Variants in DNMT3A observed in about 807,000 individuals in gnomAD.
The protein encoded by DNMT3A is DNA methyltransferase 3 alpha.
A neutral mutation model predicts 117.6 loss-of-function variants in DNMT3A; 267 were observed. That is an observed-to-expected ratio of 2.27 (90% confidence interval 2.05 to 2.51). DNMT3A has a LOEUF of 2.51. Ranked by LOEUF, DNMT3A falls within the 30% of genes most tolerant of loss-of-function variation. The pLI is 0.00. For missense variants in DNMT3A, 1,029 were observed against 1,260.2 expected (o/e 0.82, Z 2.78); for synonymous variants, 432 against 474.8 (o/e 0.91, Z 1.17).
intron 3 of DNMT3A, among the ~76,000 whole-genome samples, chr2:25,295,367 G>C (rs902971443): frequency 2.6e-5 from 4 of 152,212 alleles, no homozygotes; most frequent in African/African-American, 9.6e-5. Flanking sequence ...GTTTCCTGTT[G>C]CCGGCTCTGA....
chr2:25,317,799 G>C (rs903649950), intron 1 of DNMT3A, among the ~76,000 whole-genome samples: 1 of 152,210 alleles, frequency 6.6e-6, no homozygotes, highest in South Asian at 2.1e-4. Flanking sequence ...GCAATGCCGC[G>C]ATCTCGGCTC....
intron 1 of DNMT3A, 149 bp downstream of exon 1, chr2:25,341,677 G>T: frequency 2.0e-6 from 1 of 492,800 alleles, no homozygotes; most frequent in Non-Finnish European, 2.6e-6. Context: ...CTGCAGTCCC[G>T]GCCCCACGGG....
At chr2:25,340,657 C>A (rs1385000730) in intron 1 of DNMT3A, among the ~76,000 whole-genome samples, 1 of 152,046 alleles carries the variant, frequency 6.6e-6, no homozygotes, top group Admixed American at 6.5e-5. Flanking sequence ...GCAGCCGCGG[C>A]GAGGCCTCGT....
chr2:25,318,309 C>T (rs371754013), intron 1 of DNMT3A, among the ~76,000 whole-genome samples: 4 of 152,006 alleles, frequency 2.6e-5, no homozygotes, highest in East Asian at 1.9e-4. Context: ...TTTTCTGAGA[C>T]GGAGTCTTTC....
At chr2:25,275,796 A>T (rs751217818) in intron 4 of DNMT3A, among the ~76,000 whole-genome samples, 1 of 152,218 alleles carries the variant, frequency 6.6e-6, no homozygotes, top group African/African-American at 2.4e-5. Flanking sequence ...AAGAGGGAAC[A>T]CGAGGAAATT....
chr2:25,316,608 T>C (rs987899474), intron 1 of DNMT3A, among the ~76,000 whole-genome samples: 10 of 152,220 alleles, frequency 6.6e-5, no homozygotes, highest in African/African-American at 2.4e-4. Flanking sequence ...CACCTACCCG[T>C]AGACGCTTCA....
At position 25,305,061 on chromosome 2, in the gene DNMT3A, G is replaced by GATGA. The variant is rs1573465539; in HGVS notation, c.73-4822_73-4819dup. Reference sequence around the variant, plus strand: ...TGCATTTAGTCCAAGGCAGGCACTTGATGAATGACTGTCACAGAGTAGGTG... The same window carrying GATGA: ...TGCATTTAGTCCAAGGCAGGCACTTGATGAATGAATGACTGTCACAGAGTAGGTG... On this transcript the variant is annotated intron_variant, in intron 2 of 22. Transcript: ENST00000321117. The surrounding 1 kb of genome is among the most constrained non-coding windows in gnomAD (Gnocchi z 4.1). 6.6e-6 allele frequency among the ~76,000 whole-genome samples: 1 copy of GATGA among 152,338 alleles called. No homozygotes were observed. Among genetic ancestry groups the GATGA allele is most frequent in the East Asian group, 1.9e-4 (1 of 5,186 alleles).
chr2:25,277,435 G>C (rs995553295), intron 4 of DNMT3A, among the ~76,000 whole-genome samples: 3 of 152,090 alleles, frequency 2.0e-5, no homozygotes, highest in African/African-American at 7.2e-5. Context: ...TGGCGGCCTG[G>C]GGGCGGCCTG....
In DNMT3A at chr2:25,240,417, C is replaced by G. The variant is rs139293773; in HGVS notation, c.2207G>C (p.Arg736Pro). The change falls in exon 19 of 23, where the codon CGC (arginine) becomes CCC (proline). Residue 736 changes from arginine to proline, a missense_variant. Arg to Pro is a moderately radical substitution (Grantham distance 103). Coordinates refer to ENST00000321117, the MANE Select transcript of DNMT3A (RefSeq NM_022552.5). ...CTTGGGCCGCGCATCATGCAGGAGG[C>G]GGTAGAACTCAAAGAAGAGCCGGCC... ...GTGRLFFEFYRLLHDARPKEG... is the reference protein window; with the variant it reads ...GTGRLFFEFYPLLHDARPKEG... 6.2e-7 allele frequency: 1 copy of G among 1,612,296 alleles called. No individual in the cohort carries two copies. Among genetic ancestry groups the G allele is most frequent in the Non-Finnish European group, 8.5e-7 (1 of 1,179,198 alleles).
chr2:25,334,460 C>G (rs1467705581), intron 1 of DNMT3A, among the ~76,000 whole-genome samples: 2 of 152,160 alleles, frequency 1.3e-5, no homozygotes, highest in East Asian at 3.9e-4. Context: ...TCTCACTATG[C>G]CAGGGCTGGG....
chr2:25,338,775 G>A (rs772774954), intron 1 of DNMT3A, among the ~76,000 whole-genome samples: 21 of 152,140 alleles, frequency 1.4e-4, no homozygotes, highest in East Asian at 3.9e-4. Flanking sequence ...TCTTCCTGCC[G>A]GTGACCCTGG....
rs184292284 is a variant in DNMT3A at position 25,286,098 on chromosome 2, G to A, written c.178-3387C>T. Reference sequence around the variant, plus strand: ...GGCTCTGAGCCCCGCAAAGCTGCTGGAGGCAACTCCACTGTCACTCACTTC... The same window carrying A: ...GGCTCTGAGCCCCGCAAAGCTGCTGAAGGCAACTCCACTGTCACTCACTTC... On this transcript the variant is annotated intron_variant, in intron 3 of 22. Transcript: ENST00000321117. This position sits in a 1 kb window ranked among gnomAD's most constrained non-coding sequence, Gnocchi z 4.3. 2.0e-4 allele frequency among the ~76,000 whole-genome samples: 30 copies of A among 152,324 alleles called. No individual in the cohort carries two copies. Among genetic ancestry groups the A allele is most frequent in the Admixed American group, 1.2e-3 (18 of 15,304 alleles).
At chr2:25,272,803 C>CTTTTTTTTTTTTT (rs1217338234) in intron 6 of DNMT3A, among the ~76,000 whole-genome samples, 1,664 of 130,172 alleles carry the variant, frequency 0.013, 34 homozygotes, top group African/African-American at 0.029. Flanking sequence ...TGCACTTTCT[C>CTTTTTTTTTTTTT]TTTTTTTTTT....
Position 25,274,902 on chromosome 2 carries a change from T to G in DNMT3A, c.639+39A>C, listed in dbSNP as rs765063190. ...CCCATCACTTCTGGTTTTCCAGTTC[T>G]GCAGGACGGGCTGGGGCCCAGGCCA... On this transcript the variant is annotated intron_variant, in intron 6 of 22. Transcript: ENST00000321117. 25 of 1,586,342 alleles carry G rather than the reference T, an allele frequency of 1.6e-5. No homozygotes were observed. The South Asian group carries it at 2.4e-4, about 15-fold the overall frequency.
intron 5 of DNMT3A, 135 bp from the exon 6 acceptor site, chr2:25,275,222 C>G: frequency 1.5e-6 from 2 of 1,292,110 alleles, no homozygotes; most frequent in Non-Finnish European, 2.1e-6. Context: ...GGGCAGGCCC[C>G]GTGTGGGCTG....
At chr2:25,325,139 G>GC (rs1238479091) in intron 1 of DNMT3A, among the ~76,000 whole-genome samples, 1 of 151,262 alleles carries the variant, frequency 6.6e-6, no homozygotes, top group African/African-American at 2.5e-5. Context: ...CCAAAAGTGA[G>GC]CGGGGGGGGG....
intron 6 of DNMT3A, among the ~76,000 whole-genome samples, chr2:25,267,238 C>T (rs1270291741): frequency 1.1e-4 from 16 of 152,170 alleles, no homozygotes; most frequent in Admixed American, 8.5e-4. Flanking sequence ...AAAATCATGA[C>T]GTTACACCAA....
rs1672805990 is a variant in DNMT3A at position 25,229,993 on chromosome 2, C to G, written c.*4286G>C. ...GTGAGACCCCTTTGGTGTCAGCCTTCCTTCCTGCTGGGGTGCCTGTCCCAA... is the reference window on the plus strand; with the variant it reads ...GTGAGACCCCTTTGGTGTCAGCCTTGCTTCCTGCTGGGGTGCCTGTCCCAA... On this transcript the variant is annotated 3_prime_UTR_variant, in exon 23 of 23. Coordinates refer to ENST00000321117, the MANE Select transcript of DNMT3A (RefSeq NM_022552.5). 6.6e-6 allele frequency: 1 copy of G among 152,268 alleles called. No homozygotes were observed. Among genetic ancestry groups the G allele is most frequent in the Admixed American group, 6.5e-5 (1 of 15,286 alleles). 9.4% of individuals were successfully genotyped at this position (152,268 alleles called of 1,614,324 possible). A position where few individuals can be genotyped will look rare whatever the true frequency, so the allele number is the denominator to read the frequency against.
chr2:25,234,098 C>G lies in DNMT3A; in HGVS notation c.*181G>C. 2 of 954,978 alleles carry G rather than the reference C, an allele frequency of 2.1e-6. No individual in the cohort carries two copies. The highest frequency in any genetic ancestry group is 2.9e-6 in the Non-Finnish European group (2 of 689,122). 59.2% of individuals were successfully genotyped at this position (954,978 alleles called of 1,614,324 possible). On this transcript the variant is annotated 3_prime_UTR_variant, in exon 23 of 23. Coordinates refer to ENST00000321117, the MANE Select transcript of DNMT3A (RefSeq NM_022552.5). The surrounding 1 kb of genome is among the most constrained non-coding windows in gnomAD (Gnocchi z 4.5). Reference sequence around the variant, plus strand: ...AAAAATCAGGAGATGATGTCCAACCCTTTTCGCAAGGCAAAGCCCTCCGGT... The same window carrying G: ...AAAAATCAGGAGATGATGTCCAACCGTTTTCGCAAGGCAAAGCCCTCCGGT...
Sources: gnomAD v4.1 joint callset for allele counts (sites outside exome capture counted in the v4.1 genomes callset) on GRCh38, gnomAD v4.1.1 for gene constraint, Gnocchi (gnomAD v3.1) non-coding constraint, MANE v1.5 for transcripts, NCBI Gene and HGNC (gene_info 2026-07-23, HGNC 2026-07-21) for gene names.